The following TMED2 variants were observed in gnomAD, a reference collection of about 807,000 sequenced individuals.
The protein encoded by TMED2 is transmembrane emp24 domain-containing protein 2.
A neutral mutation model predicts 17.5 loss-of-function variants in TMED2; 3 were observed. The ratio of observed to expected loss-of-function variants is 0.17; its 90% CI spans 0.08 to 0.44. TMED2 has a LOEUF of 0.44. Ranked by LOEUF, TMED2 falls within the 20% of genes least tolerant of loss-of-function variation. The probability of loss-of-function intolerance (pLI) is 0.99; values close to 1 mark genes in which losing one functional copy is unlikely to be tolerated. For synonymous variants in TMED2, 95 were observed against 91.0 expected (o/e 1.04, Z -0.25); for missense variants, 149 against 254.8 (o/e 0.58, Z 2.83).
At chr12:123,596,397 G>A (rs1171268342) in intron 3 of TMED2, among the ~76,000 whole-genome samples, 2 of 152,144 alleles carry the variant, frequency 1.3e-5, no homozygotes, top group African/African-American at 2.4e-5. Flanking sequence ...GCTAGGTTAG[G>A]TGTATTAAAT....
intron 3 of TMED2, among the ~76,000 whole-genome samples, chr12:123,591,043 C>T (rs905643579): frequency 6.6e-5 from 10 of 150,762 alleles, no homozygotes; most frequent in African/African-American, 2.4e-4. Flanking sequence ...AAGGAATAAG[C>T]TAATTGTTTT....
At chr12:123,592,408 A>C (rs1953398685) in intron 3 of TMED2, among the ~76,000 whole-genome samples, 1 of 150,600 alleles carries the variant, frequency 6.6e-6, no homozygotes, top group African/African-American at 2.5e-5. Flanking sequence ...CAAGTTATAG[A>C]AGTTCTTGGG....
At chr12:123,594,550 G>T (rs7313207) in intron 3 of TMED2, among the ~76,000 whole-genome samples, 30,541 of 151,996 alleles carry the variant, frequency 0.2, 3,503 homozygotes, top group Middle Eastern at 0.29. Context: ...TTGAGGTCAG[G>T]AGCTTGAGAC....
intron 3 of TMED2, among the ~76,000 whole-genome samples, chr12:123,595,089 C>A (rs1381212526): frequency 6.6e-6 from 1 of 150,888 alleles, no homozygotes; most frequent in Non-Finnish European, 1.5e-5. Flanking sequence ...ATTAGCCAGG[C>A]ATGGGGGTGT....
At chr12:123,590,679 A>C (rs1953386052) in intron 3 of TMED2, among the ~76,000 whole-genome samples, 1 of 152,204 alleles carries the variant, frequency 6.6e-6, no homozygotes, top group African/African-American at 2.4e-5. Context: ...ATTTAGTACA[A>C]GTTTTTAAGA....
In TMED2 at chr12:123,596,698, A is replaced by T; in HGVS notation, c.575A>T (p.Lys192Met). The T allele has an allele frequency of 6.2e-7, 1 of 1,610,500 alleles. No homozygotes were observed. Among genetic ancestry groups the T allele is most frequent in the Non-Finnish European group, 8.5e-7 (1 of 1,178,668 alleles). The part of the protein sequence containing the change: ...AMTLGQIYYL[K>M]RFFEVRRVV The stretch of plus-strand genomic sequence containing the variant: ...ACATTGGGACAGATCTACTACCTGA[A>T]GAGATTTTTTGAAGTCCGGAGAGTT... The change falls in exon 4 of 4, where the codon AAG (lysine) becomes ATG (methionine). Residue 192 changes from lysine (K) to methionine (M), a missense_variant. Physicochemically the swap from Lys to Met is moderately conservative, Grantham distance 95. Transcript: ENST00000262225.
At chr12:123,589,995 AAAG>A (rs1953379489) in intron 2 of TMED2, among the ~76,000 whole-genome samples, 1 of 151,640 alleles carries the variant, frequency 6.6e-6, no homozygotes. Flanking sequence ...GAAAAAAAAA[AAAG>A]ATGGCTGGGT....
At chr12:123,586,713 T>A in intron 1 of TMED2, 34 bp from the exon 2 acceptor site, 1 of 1,549,970 alleles carries the variant, frequency 6.5e-7, no homozygotes, top group East Asian at 2.3e-5. Flanking sequence ...CTTAATCTTT[T>A]GTGACATTTT....
At chr12:123,587,756 C>T in intron 2 of TMED2, 2 of 755,176 alleles carry the variant, frequency 2.6e-6, no homozygotes, top group Non-Finnish European at 3.6e-6. Context: ...TTAAAAAACC[C>T]CTACAACTAA....
chr12:123,596,554 C>T, intron 3 of TMED2, 51 bp from the exon 4 acceptor site: 1 of 1,569,474 alleles, frequency 6.4e-7, no homozygotes, highest in Non-Finnish European at 8.6e-7. Context: ...ATGCCTATGT[C>T]TTTTTGGGGG....
At chr12:123,594,545 G>A (rs1343654463) in intron 3 of TMED2, among the ~76,000 whole-genome samples, 1 of 152,048 alleles carries the variant, frequency 6.6e-6, no homozygotes, top group Non-Finnish European at 1.5e-5. Context: ...ATTGTTTGAG[G>A]TCAGGAGCTT....
At position 123,584,657 on chromosome 12, in the gene TMED2, G is replaced by A. The variant is rs1457623014; in HGVS notation, c.21G>A (p.Leu7=). The part of the protein sequence containing the change: MVTLAE[L]LVLLAALLAT... ...CCACCATGGTGACGCTTGCTGAACTGCTGGTGCTTCTGGCCGCTCTCCTGG... is the reference window on the plus strand; with the variant it reads ...CCACCATGGTGACGCTTGCTGAACTACTGGTGCTTCTGGCCGCTCTCCTGG... The change falls in exon 1 of 4, where the codon CTG becomes CTA. Residue 7 remains leucine, a synonymous_variant. Transcript: ENST00000262225. 1 of 1,612,436 alleles carries A rather than the reference G, an allele frequency of 6.2e-7. No homozygotes were observed. Among genetic ancestry groups the A allele is most frequent in the Non-Finnish European group, 8.5e-7 (1 of 1,179,754 alleles).
Position 123,597,083 on chromosome 12 carries a change from G to A in TMED2, c.*354G>A, listed in dbSNP as rs1953436233. On this transcript the variant is annotated 3_prime_UTR_variant, in exon 4 of 4. Transcript: ENST00000262225. ...CAGGAAATCAGCACAAAGCCTGATA[G>A]TACTTTACTAAAATGACTGCATTCT... The A allele has an allele frequency of 6.4e-6, 1 of 155,200 alleles. No individual in the cohort carries two copies. The highest frequency in any genetic ancestry group is 2.4e-5 in the African/African-American group (1 of 41,472). 9.6% of individuals were successfully genotyped at this position (155,200 alleles called of 1,614,324 possible). A position where few individuals can be genotyped will look rare whatever the true frequency, so the allele number is the denominator to read the frequency against.
Position 123,596,844 on chromosome 12 carries a change from T to C in TMED2, c.*115T>C, listed in dbSNP as rs567929418. The C allele has an allele frequency of 4.8e-4, 610 of 1,283,210 alleles. No homozygotes were observed. Among genetic ancestry groups the C allele is most frequent in the Non-Finnish European group, 5.8e-4 (573 of 981,646 alleles). The allele number at this position is 1,283,210 out of a possible 1,614,324, so 79.5% of individuals were successfully genotyped here. ...TTCTGAACTGTACATTCACAACTTA[T>C]GTTTCTTTGAGATTAATAGATATTG... is the stretch of plus-strand genomic sequence containing the variant. On this transcript the variant is annotated 3_prime_UTR_variant, in exon 4 of 4. Coordinates refer to ENST00000262225, the MANE Select transcript of TMED2 (RefSeq NM_006815.4).
chr12:123,590,459 T>C lies in TMED2; in HGVS notation c.481+10T>C. 6.3e-7 allele frequency: 1 copy of C among 1,584,064 alleles called. No individual in the cohort carries two copies. The highest frequency in any genetic ancestry group is 8.6e-7 in the Non-Finnish European group (1 of 1,161,866). ...AGAATACACAGAGCCAGTAAGTGAA[T>C]GCCGTCACTTTGCAGCAGTGTCTGA... On this transcript the variant is annotated intron_variant, in intron 3 of 3. Coordinates refer to ENST00000262225, the MANE Select transcript of TMED2 (RefSeq NM_006815.4).
At chr12:123,595,231 AAAAGT>A (rs1184586778) in intron 3 of TMED2, among the ~76,000 whole-genome samples, 1 of 152,234 alleles carries the variant, frequency 6.6e-6, no homozygotes, top group Admixed American at 6.5e-5. Flanking sequence ...TGACTCAAAA[AAAAGT>A]AAGTAAATAA....
At chr12:123,584,938 A>G in intron 1 of TMED2, 122 bp downstream of exon 1, 1 of 1,281,114 alleles carries the variant, frequency 7.8e-7, no homozygotes, top group Non-Finnish European at 1.1e-6. Context: ...CGAGTCCTGG[A>G]GAAGCCCAGG....
chr12:123,594,869 A>C (rs766455478), intron 3 of TMED2, among the ~76,000 whole-genome samples: 26 of 151,484 alleles, frequency 1.7e-4, no homozygotes, highest in Non-Finnish European at 3.5e-4. Context: ...CCTGGGCAAC[A>C]AGAGTGAAAC....
At chr12:123,588,935 C>G (rs1470144717) in intron 2 of TMED2, among the ~76,000 whole-genome samples, 1 of 152,188 alleles carries the variant, frequency 6.6e-6, no homozygotes, top group African/African-American at 2.4e-5. Flanking sequence ...CAACTGCCTT[C>G]AATGGTAGAG....
Sources: allele counts gnomAD v4.1 joint callset (sites outside exome capture counted in the v4.1 genomes callset), GRCh38; gene constraint gnomAD v4.1.1; transcripts MANE v1.5; gene names NCBI Gene and HGNC (gene_info 2026-07-23, HGNC 2026-07-21).